The following PRKAA2 variants were observed in gnomAD, a reference collection of about 807,000 sequenced individuals.
PRKAA2 encodes the protein protein kinase AMP-activated catalytic subunit alpha 2.
PRKAA2 carries 40 observed loss-of-function variants against 56.3 expected under a neutral mutation model. The observed-to-expected ratio is 0.71, with a 90% confidence interval of 0.55 to 0.92. PRKAA2 has a LOEUF of 0.92. Among genes scored for constraint, PRKAA2 ranks in the 40% least tolerant of loss-of-function variants. The pLI is 0.00. For synonymous variants in PRKAA2, 214 were observed against 234.2 expected (o/e 0.91, Z 0.79); for missense variants, 542 against 686.9 (o/e 0.79, Z 2.36).
chr1:56,700,233 A>T (rs1291335551), intron 6 of PRKAA2, among the ~76,000 whole-genome samples: 1 of 152,176 alleles, frequency 6.6e-6, no homozygotes, highest in Non-Finnish European at 1.5e-5. Flanking sequence ...GGTTTGCTTA[A>T]TGATCAGCTA....
intron 1 of PRKAA2, among the ~76,000 whole-genome samples, chr1:56,658,843 A>G (rs888689561): frequency 6.6e-6 from 1 of 151,622 alleles, no homozygotes; most frequent in African/African-American, 2.4e-5. Context: ...GGGCTCAAGC[A>G]ATTCTTGTAC....
intron 1 of PRKAA2, among the ~76,000 whole-genome samples, chr1:56,666,436 T>C (rs1644036729): frequency 6.6e-6 from 1 of 152,138 alleles, no homozygotes; most frequent in Admixed American, 6.6e-5. Flanking sequence ...AGTTGGGGAA[T>C]GGGGTGCTAG....
At chr1:56,681,245 T>C (rs1644153140) in intron 2 of PRKAA2, among the ~76,000 whole-genome samples, 1 of 152,250 alleles carries the variant, frequency 6.6e-6, no homozygotes, top group Admixed American at 6.5e-5. Context: ...CTTTGTAGAT[T>C]CTGGATATTA....
intron 1 of PRKAA2, among the ~76,000 whole-genome samples, chr1:56,650,093 T>TG (rs1646675086): frequency 6.6e-6 from 1 of 151,758 alleles, no homozygotes; most frequent in South Asian, 2.1e-4. Context: ...AGACTCCGTC[T>TG]TAAAAAAAAA....
At chr1:56,659,077 A>G (rs555656787) in intron 1 of PRKAA2, among the ~76,000 whole-genome samples, 20 of 151,116 alleles carry the variant, frequency 1.3e-4, no homozygotes, top group African/African-American at 4.1e-4. Context: ...TGCTTGGATT[A>G]CAGGCATGAA....
chr1:56,648,585 G>A (rs1042125517), intron 1 of PRKAA2, among the ~76,000 whole-genome samples: 1 of 152,152 alleles, frequency 6.6e-6, no homozygotes, highest in African/African-American at 2.4e-5. Context: ...TAGAATTGCT[G>A]GGTCATATCG....
At chr1:56,649,678 T>C (rs1177125907) in intron 1 of PRKAA2, among the ~76,000 whole-genome samples, 1 of 152,218 alleles carries the variant, frequency 6.6e-6, no homozygotes, top group Non-Finnish European at 1.5e-5. Flanking sequence ...TTTTAGGGAC[T>C]ATGTTGACCA....
intron 6 of PRKAA2, among the ~76,000 whole-genome samples, chr1:56,702,450 G>A (rs1252381426): frequency 1.3e-5 from 2 of 152,110 alleles, no homozygotes; most frequent in Non-Finnish European, 1.5e-5. Context: ...TGATAACTAG[G>A]TTATGCTACC....
chr1:56,676,661 A>C (rs1454899965), intron 2 of PRKAA2, among the ~76,000 whole-genome samples: 1 of 152,156 alleles, frequency 6.6e-6, no homozygotes, highest in Non-Finnish European at 1.5e-5. Context: ...GAAATCCTTA[A>C]ATAAATGGCT....
chr1:56,647,608 C>T (rs1304167607), intron 1 of PRKAA2, among the ~76,000 whole-genome samples: 3 of 152,186 alleles, frequency 2.0e-5, no homozygotes, highest in African/African-American at 7.2e-5. Context: ...TTTCCTAACA[C>T]TGTGTTAGAT....
chr1:56,646,130 C>A (rs1285013411), intron 1 of PRKAA2, among the ~76,000 whole-genome samples: 4 of 152,128 alleles, frequency 2.6e-5, no homozygotes, highest in African/African-American at 9.7e-5. Context: ...CAGATTCCTT[C>A]ACGTTCCAGG....
At chr1:56,658,126 G>C (rs1643960222) in intron 1 of PRKAA2, among the ~76,000 whole-genome samples, 1 of 152,130 alleles carries the variant, frequency 6.6e-6, no homozygotes, top group Non-Finnish European at 1.5e-5. Flanking sequence ...TGTAATATCT[G>C]GGGTAGCCAT....
At chr1:56,645,512 G>C (rs1217793155) in intron 1 of PRKAA2, 31 bp downstream of exon 1, 3 of 1,444,688 alleles carry the variant, frequency 2.1e-6, no homozygotes, top group Non-Finnish European at 2.8e-6. Flanking sequence ...CGCTGTGCGG[G>C]GCTGCCTGAC....
chr1:56,646,000 G>A lies in PRKAA2; in HGVS notation c.94+519G>A. Among the ~76,000 whole-genome samples the A allele has an allele frequency of 1.3e-5, 2 of 152,174 alleles. 1 individual carries two copies. The highest frequency in any genetic ancestry group is 2.9e-5 in the Non-Finnish European group (2 of 68,048). On this transcript the variant is annotated intron_variant, in intron 1 of 8. Coordinates refer to ENST00000371244, the MANE Select transcript of PRKAA2 (RefSeq NM_006252.4). ...CATGTTGTCCTCACCCTAAAGGTGAGAAAACTAGGACCCCTAGAGATGTAG... is the reference window on the plus strand; with the variant it reads ...CATGTTGTCCTCACCCTAAAGGTGAAAAAACTAGGACCCCTAGAGATGTAG...
intron 1 of PRKAA2, among the ~76,000 whole-genome samples, chr1:56,658,596 C>T (rs1240541669): frequency 6.7e-6 from 1 of 149,248 alleles, no homozygotes; most frequent in Non-Finnish European, 1.5e-5. Flanking sequence ...TTCCCCCCCC[C>T]CGCCATTTTT....
intron 2 of PRKAA2, among the ~76,000 whole-genome samples, chr1:56,684,408 G>C (rs561593273): frequency 6.6e-6 from 1 of 152,040 alleles, no homozygotes; most frequent in Non-Finnish European, 1.5e-5. Context: ...CAGACAGACT[G>C]TATTTAAGAT....
intron 1 of PRKAA2, among the ~76,000 whole-genome samples, chr1:56,655,278 A>G (rs1468574803): frequency 3.2e-5 from 1 of 31,098 alleles, no homozygotes; most frequent in Non-Finnish European, 5.3e-5. Flanking sequence ...CTATATATAT[A>G]TATTTTTTTT....
At chr1:56,705,399 T>TTG (rs2100438749) in intron 7 of PRKAA2, among the ~76,000 whole-genome samples, 1 of 151,440 alleles carries the variant, frequency 6.6e-6, no homozygotes, top group Admixed American at 6.6e-5. Context: ...TTGTTTATTT[T>TTG]TTGTTGTTGT....
chr1:56,699,998 G>A (rs1040203458), intron 6 of PRKAA2, among the ~76,000 whole-genome samples: 5 of 152,108 alleles, frequency 3.3e-5, no homozygotes, highest in African/African-American at 9.7e-5. Flanking sequence ...ATTAGTTAAC[G>A]AAGATTGAAT....
Sources: gnomAD v4.1 joint callset for allele counts (sites outside exome capture counted in the v4.1 genomes callset) on GRCh38, gnomAD v4.1.1 for gene constraint, MANE v1.5 for transcripts, NCBI Gene and HGNC (gene_info 2026-07-23, HGNC 2026-07-21) for gene names.